FCHSD2: variants seen among roughly 807,000 people sequenced by gnomAD.
FCHSD2 encodes F-BAR and double SH3 domains protein 2.
A neutral mutation model predicts 108.1 loss-of-function variants in FCHSD2; 38 were observed. That is an observed-to-expected ratio of 0.35 (90% CI 0.27 to 0.46). FCHSD2 has a LOEUF of 0.46. FCHSD2 is among the 20% of genes least tolerant of loss of function. FCHSD2 has a pLI of 1.00. For missense variants in FCHSD2, 751 were observed against 897.8 expected, an observed-to-expected ratio of 0.84 and a Z score of 2.09; for synonymous variants, 279 against 314.7, an observed-to-expected ratio of 0.89 and a Z score of 1.20.
At chr11:73,115,699 T>C (rs1860587066) in intron 2 of FCHSD2, among the ~76,000 whole-genome samples, 2 of 152,340 alleles carry the variant, frequency 1.3e-5, no homozygotes, top group South Asian at 4.1e-4. Flanking sequence ...CCAAAATCTG[T>C]AGGGCAGGCC....
At chr11:72,952,059 A>G (rs552734470) in intron 8 of FCHSD2, among the ~76,000 whole-genome samples, 18 of 152,190 alleles carry the variant, frequency 1.2e-4, no homozygotes, top group Non-Finnish European at 2.4e-4. Context: ...GCTTCATGGT[A>G]GGTCTGCATA....
chr11:72,905,868 T>G (rs1400133667), intron 9 of FCHSD2, among the ~76,000 whole-genome samples: 2 of 152,230 alleles, frequency 1.3e-5, no homozygotes, highest in Non-Finnish European at 2.9e-5. Context: ...CTCCAAGTCT[T>G]TGCTATTGTG....
At chr11:73,087,099 A>G (rs1231432721) in intron 2 of FCHSD2, among the ~76,000 whole-genome samples, 1 of 152,220 alleles carries the variant, frequency 6.6e-6, no homozygotes, top group Admixed American at 6.5e-5. Flanking sequence ...ACTGCCCCTG[A>G]AGACCTCCTA....
chr11:72,990,753 G>A (rs578099122), intron 5 of FCHSD2, among the ~76,000 whole-genome samples: 74 of 152,318 alleles, frequency 4.9e-4, no homozygotes, highest in African/African-American at 1.7e-3. Context: ...ACAAGAGAAA[G>A]CAGGAAAGAT....
chr11:72,878,806 T>C (rs897604163), intron 12 of FCHSD2, among the ~76,000 whole-genome samples: 3 of 152,184 alleles, frequency 2.0e-5, no homozygotes, highest in Non-Finnish European at 1.5e-5. Context: ...CTAGAGCTTG[T>C]ACAGGGTTGA....
In FCHSD2 at chr11:72,938,518, C is replaced by T. The variant is rs996064525; in HGVS notation, c.706-16568G>A. 5.9e-5 allele frequency among the ~76,000 whole-genome samples: 9 copies of T among 152,040 alleles called. No individual in the cohort carries two copies. The South Asian group carries it at 1.9e-3, about 32-fold the overall frequency. The stretch of plus-strand genomic sequence containing the variant: ...CTTCCTTGCTGGTGTCTAGGTGTGC[C>T]CACAGCCAGCAAAACAAGTCAGGGA... On this transcript the variant is annotated intron_variant, in intron 8 of 19. Coordinates refer to ENST00000409418, the MANE Select transcript of FCHSD2 (RefSeq NM_014824.3).
At chr11:72,891,038 T>A (rs1201250733) in intron 10 of FCHSD2, among the ~76,000 whole-genome samples, 1 of 152,120 alleles carries the variant, frequency 6.6e-6, no homozygotes, top group African/African-American at 2.4e-5. Context: ...CACTTCAGCC[T>A]CCTGAGTAGC....
intron 2 of FCHSD2, among the ~76,000 whole-genome samples, chr11:73,097,575 T>C (rs1860118018): frequency 1.3e-5 from 2 of 151,128 alleles, no homozygotes; most frequent in Non-Finnish European, 1.5e-5. Context: ...TAGAATTCAC[T>C]AGTGGAACCG....
At position 73,063,854 on chromosome 11, in the gene FCHSD2, C is replaced by A. The variant is rs189346026; in HGVS notation, c.165+19841G>T. 8.0e-3 allele frequency among the ~76,000 whole-genome samples: 1,216 copies of A among 152,172 alleles called. 21 individuals are homozygous for A. Among genetic ancestry groups the A allele is most frequent in the African/African-American group, 0.027 (1,134 of 41,488 alleles). Reference sequence around the variant, plus strand: ...ACAATAATAATGGGAGACTTTAACACCCCACTGTCAATATTAAACAGATTA... The same window carrying A: ...ACAATAATAATGGGAGACTTTAACAACCCACTGTCAATATTAAACAGATTA... On this transcript the variant is annotated intron_variant, in intron 3 of 19. Coordinates refer to ENST00000409418, the MANE Select transcript of FCHSD2 (RefSeq NM_014824.3).
chr11:73,023,128 A>G (rs1302235042), intron 3 of FCHSD2, among the ~76,000 whole-genome samples: 1 of 152,134 alleles, frequency 6.6e-6, no homozygotes, highest in Non-Finnish European at 1.5e-5. Flanking sequence ...AATCTCCTTG[A>G]CCTTTGGTGA....
At chr11:73,103,982 G>A (rs1860281907) in intron 2 of FCHSD2, among the ~76,000 whole-genome samples, 1 of 152,110 alleles carries the variant, frequency 6.6e-6, no homozygotes, top group Non-Finnish European at 1.5e-5. Context: ...AATATGCCTG[G>A]TGCAAATACT....
At chr11:73,128,768 G>T (rs1177555977) in intron 2 of FCHSD2, among the ~76,000 whole-genome samples, 2 of 152,226 alleles carry the variant, frequency 1.3e-5, no homozygotes, top group African/African-American at 4.8e-5. Context: ...TAACCGTGGT[G>T]AAAGATTCTG....
chr11:72,913,818 A>G (rs1169995467), intron 9 of FCHSD2, among the ~76,000 whole-genome samples: 1 of 149,254 alleles, frequency 6.7e-6, no homozygotes, highest in Non-Finnish European at 1.5e-5. Flanking sequence ...AAAACCAAAA[A>G]AAACCCAAAA....
At chr11:73,059,028 T>C (rs1859100254) in intron 3 of FCHSD2, among the ~76,000 whole-genome samples, 1 of 152,024 alleles carries the variant, frequency 6.6e-6, no homozygotes, top group African/African-American at 2.4e-5. Flanking sequence ...TTTTAGTTTT[T>C]AAGCTAAGCT....
intron 3 of FCHSD2, among the ~76,000 whole-genome samples, chr11:73,036,377 C>T (rs142059365): frequency 5.8e-4 from 87 of 150,240 alleles, no homozygotes; most frequent in African/African-American, 1.9e-3. Flanking sequence ...TATTTCACAA[C>T]GTTATATCGG....
intron 9 of FCHSD2, among the ~76,000 whole-genome samples, chr11:72,906,535 C>T (rs1318445822): frequency 6.6e-6 from 1 of 152,126 alleles, no homozygotes; most frequent in Non-Finnish European, 1.5e-5. Context: ...CCTAGGTTTT[C>T]TTCTAGGGTT....
intron 8 of FCHSD2, among the ~76,000 whole-genome samples, chr11:72,944,935 C>T (rs191732342): frequency 1.5e-4 from 23 of 152,156 alleles, no homozygotes; most frequent in South Asian, 4.1e-4. Context: ...TCCATGCTCA[C>T]GGGTAGGAAG....
chr11:72,872,897 G>A (rs888809776), intron 12 of FCHSD2, among the ~76,000 whole-genome samples: 1 of 152,170 alleles, frequency 6.6e-6, no homozygotes, highest in African/African-American at 2.4e-5. Context: ...TTTATCATTT[G>A]ATCCCACCAG....
chr11:73,000,298 C>A (rs1178141320), intron 5 of FCHSD2, among the ~76,000 whole-genome samples: 1 of 152,036 alleles, frequency 6.6e-6, no homozygotes, highest in East Asian at 1.9e-4. Flanking sequence ...ATTAATACTT[C>A]CACAAGAAAA....
Sources: allele counts gnomAD v4.1 joint callset (sites outside exome capture counted in the v4.1 genomes callset), GRCh38; gene constraint gnomAD v4.1.1; transcripts MANE v1.5; gene names NCBI Gene and HGNC (gene_info 2026-07-23, HGNC 2026-07-21).